Variants in FKBP9 observed in about 807,000 individuals in gnomAD.
FKBP9 encodes peptidyl-prolyl cis-trans isomerase FKBP9.
Under a neutral mutation model 55.6 loss-of-function variants are expected in FKBP9, and 27 were observed. The observed-to-expected ratio is 0.49, with a 90% CI of 0.36 to 0.67. The LOEUF (loss-of-function observed/expected upper bound fraction) is 0.67, where lower values mean the gene tolerates loss of function less well. FKBP9 is among the 30% of genes least tolerant of loss of function. The pLI is 0.00. For synonymous variants in FKBP9, 267 were observed against 296.5 expected (o/e 0.90, Z 1.02); for missense variants, 539 against 742.8 (o/e 0.73, Z 3.19).
In FKBP9 at chr7:32,957,562, C is replaced by A; in HGVS notation, c.-12C>A. ...GCCGCGCTGCGTCCGCGCCACTCTT[C>A]TCGCCGCCCCGATGGCGTTCCGGGG... On this transcript the variant is annotated 5_prime_UTR_variant, in exon 1 of 10. Coordinates refer to ENST00000242209, the MANE Select transcript of FKBP9 (RefSeq NM_007270.5). 1 of 1,448,082 alleles carries A rather than the reference C, an allele frequency of 6.9e-7. No individual in the cohort carries two copies. 89.7% of individuals were successfully genotyped at this position (1,448,082 alleles called of 1,614,324 possible).
At chr7:33,000,449 G>A (rs909283932) in intron 8 of FKBP9, among the ~76,000 whole-genome samples, 189 bp downstream of exon 8, 2 of 152,040 alleles carry the variant, frequency 1.3e-5, no homozygotes, top group Non-Finnish European at 2.9e-5. Context: ...AGTGAGCCAC[G>A]TCAATGCTCC....
intron 9 of FKBP9, among the ~76,000 whole-genome samples, chr7:33,004,749 G>A (rs1210038231): frequency 2.0e-5 from 3 of 152,206 alleles, no homozygotes; most frequent in Admixed American, 1.3e-4. Flanking sequence ...GGGGCAGGGT[G>A]TTTGTGTATT....
At chr7:32,979,252 G>C (rs1784422070) in intron 4 of FKBP9, among the ~76,000 whole-genome samples, 1 of 151,762 alleles carries the variant, frequency 6.6e-6, no homozygotes, top group African/African-American at 2.4e-5. Context: ...CTGGGCAACA[G>C]AGCGAGACTC....
intron 1 of FKBP9, among the ~76,000 whole-genome samples, chr7:32,970,198 C>G (rs1270185361): frequency 1.3e-5 from 2 of 152,004 alleles, no homozygotes; most frequent in East Asian, 3.9e-4. Flanking sequence ...TCTTTAATTT[C>G]TTTCTTTCTT....
At chr7:32,965,850 T>C (rs1404423718) in intron 1 of FKBP9, among the ~76,000 whole-genome samples, 2 of 44,246 alleles carry the variant, frequency 4.5e-5, no homozygotes, top group South Asian at 9.1e-4. Flanking sequence ...TATATGTGTG[T>C]ACAGATATAT....
At chr7:32,986,780 G>T (rs559108781) in intron 5 of FKBP9, among the ~76,000 whole-genome samples, 35 of 152,298 alleles carry the variant, frequency 2.3e-4, no homozygotes, top group African/African-American at 8.2e-4. Context: ...CTTCTTCTCC[G>T]GGGCATCATG....
Position 33,006,677 on chromosome 7 carries a change from A to G in FKBP9, c.*1326A>G, listed in dbSNP as rs1785047964. On this transcript the variant is annotated 3_prime_UTR_variant, in exon 10 of 10. Coordinates refer to ENST00000242209, the MANE Select transcript of FKBP9 (RefSeq NM_007270.5). ...GGCCAGCTGCCGCAAGACAGCAATG[A>G]CAGTCCACCTGCCGACCTGATTCCT... 1 of 217,434 alleles carries G rather than the reference A, an allele frequency of 4.6e-6. No homozygotes were observed. Among genetic ancestry groups the G allele is most frequent in the African/African-American group, 2.3e-5 (1 of 44,426 alleles). The allele number at this position is 217,434 out of a possible 1,614,324, so 13.5% of individuals were successfully genotyped here. A position where few individuals can be genotyped will look rare whatever the true frequency, so the allele number is the denominator to read the frequency against.
chr7:32,959,382 T>A (rs949645476), intron 1 of FKBP9, among the ~76,000 whole-genome samples: 4 of 152,040 alleles, frequency 2.6e-5, no homozygotes, highest in Non-Finnish European at 4.4e-5. Context: ...CCAACCTGGG[T>A]GACAGGGAGA....
chr7:33,004,101 G>A (rs1784984844), intron 9 of FKBP9, among the ~76,000 whole-genome samples: 2 of 152,036 alleles, frequency 1.3e-5, no homozygotes, highest in South Asian at 4.1e-4. Flanking sequence ...TCTCTCGTAG[G>A]CCGTAATGGT....
At chr7:32,971,569 C>T (rs1279055127) in intron 1 of FKBP9, among the ~76,000 whole-genome samples, 2 of 152,200 alleles carry the variant, frequency 1.3e-5, no homozygotes, top group African/African-American at 4.8e-5. Flanking sequence ...CAGCCTCTGC[C>T]TCCCAGGTTC....
At chr7:32,974,586 C>T in intron 1 of FKBP9, 31 bp from the exon 2 acceptor site, 1 of 1,600,234 alleles carries the variant, frequency 6.2e-7, no homozygotes, top group Non-Finnish European at 8.5e-7. Flanking sequence ...TTATACTTTT[C>T]TTTCTCTTTC....
intron 9 of FKBP9, among the ~76,000 whole-genome samples, chr7:33,003,186 C>T (rs1384320402): frequency 1.3e-5 from 2 of 152,162 alleles, no homozygotes; most frequent in Non-Finnish European, 2.9e-5. Context: ...GAAGAAACTG[C>T]ACAGAGAAGG....
At chr7:32,996,396 T>A (rs768714410) in intron 7 of FKBP9, 47 bp downstream of exon 7, 2 of 1,352,060 alleles carry the variant, frequency 1.5e-6, no homozygotes, top group South Asian at 2.5e-5. Context: ...AGGGTGACAG[T>A]TGCATGCTCC....
chr7:32,988,620 C>G lies in FKBP9; in HGVS notation c.1007C>G (p.Pro336Arg). ...CIGEKRRIVV[P>R]PHLGYGEEGR... Reference sequence around the variant, plus strand: ...GGAGAAAAGCGAAGGATTGTGGTCCCGCCTCACCTGGGGTATGGAGAGGAA... The same window carrying G: ...GGAGAAAAGCGAAGGATTGTGGTCCGGCCTCACCTGGGGTATGGAGAGGAA... Residue 336 changes from proline to arginine, a missense_variant, in exon 6 of 10, where the codon CCG (proline) becomes CGG (arginine). By Grantham distance (103) the Pro-to-Arg change is moderately radical (BLOSUM62 -2). Coordinates refer to ENST00000242209, the MANE Select transcript of FKBP9 (RefSeq NM_007270.5). The G allele has an allele frequency of 6.2e-7, 1 of 1,613,820 alleles. No individual in the cohort carries two copies. Among genetic ancestry groups the G allele is most frequent in the East Asian group, 2.2e-5 (1 of 44,894 alleles).
chr7:32,966,722 C>G (rs1313338395), intron 1 of FKBP9, among the ~76,000 whole-genome samples: 1 of 151,888 alleles, frequency 6.6e-6, no homozygotes, highest in Non-Finnish European at 1.5e-5. Context: ...TGCATGCTGT[C>G]GTCAGCTTCT....
intron 9 of FKBP9, among the ~76,000 whole-genome samples, chr7:33,004,882 T>C (rs546958338): frequency 6.6e-6 from 1 of 152,222 alleles, no homozygotes; most frequent in East Asian, 1.9e-4. Flanking sequence ...GGGGTCAGCC[T>C]TTGGTGGGGA....
intron 1 of FKBP9, among the ~76,000 whole-genome samples, chr7:32,960,612 C>T (rs1784002731): frequency 6.6e-6 from 1 of 152,172 alleles, no homozygotes; most frequent in African/African-American, 2.4e-5. Context: ...AACAAGTTGT[C>T]CTACTATCTA....
chr7:32,960,660 T>C (rs1784003869), intron 1 of FKBP9, among the ~76,000 whole-genome samples: 1 of 152,204 alleles, frequency 6.6e-6, no homozygotes, highest in Non-Finnish European at 1.5e-5. Flanking sequence ...TGAGGTAGTG[T>C]AGGGCAGTTG....
chr7:32,962,238 C>CA (rs1254043324), intron 1 of FKBP9, among the ~76,000 whole-genome samples: 6 of 151,952 alleles, frequency 3.9e-5, no homozygotes, highest in Non-Finnish European at 7.4e-5. Flanking sequence ...ACTAAAAATA[C>CA]AAAAAATTAG....
Sources: allele counts gnomAD v4.1 joint callset (sites outside exome capture counted in the v4.1 genomes callset), GRCh38; gene constraint gnomAD v4.1.1; transcripts MANE v1.5; gene names NCBI Gene and HGNC (gene_info 2026-07-23, HGNC 2026-07-21).